LRIG3: variants seen among roughly 807,000 people sequenced by gnomAD.
LRIG3 encodes the protein leucine rich repeats and immunoglobulin like domains 3, also known as leucine-rich repeats and immunoglobulin-like domains protein 3.
LRIG3 carries 76 observed loss-of-function variants against 114.5 expected under a neutral mutation model. That is an observed-to-expected ratio of 0.66 (90% CI 0.55 to 0.80). The LOEUF is 0.80. LRIG3 is among the 30% of genes least tolerant of loss of function. LRIG3 has a pLI of 0.00. For missense variants in LRIG3, 1,239 were observed against 1,382.8 expected (o/e 0.90, Z 1.65); for synonymous variants, 512 against 519.8 (o/e 0.98, Z 0.20).
Position 58,886,840 on chromosome 12 carries a change from G to GCAC in LRIG3, c.1139_1141dup (p.Gly380dup). The GCAC allele has an allele frequency of 6.2e-7, 1 of 1,613,586 alleles. No homozygotes were observed. The highest frequency in any genetic ancestry group is 8.5e-7 in the Non-Finnish European group (1 of 1,179,650). ...CCTCAGTTTGTCAAGCCCAGAGAAA[G>GCAC]CACCATTCATGTCTTCAATAGTCCA... On this transcript the variant is annotated inframe_insertion, in exon 9 of 19. Coordinates refer to ENST00000320743, the MANE Select transcript of LRIG3 (RefSeq NM_153377.5).
At chr12:58,880,935 G>A (rs181837033) in intron 12 of LRIG3, 34 bp from the exon 13 acceptor site, 2 of 1,586,972 alleles carry the variant, frequency 1.3e-6, no homozygotes, top group Non-Finnish European at 8.6e-7. Flanking sequence ...ACAAAACAAT[G>A]TTAAGGCTCA....
Position 58,914,224 on chromosome 12 carries a change from T to C in LRIG3, c.308+41A>G. The stretch of plus-strand genomic sequence containing the variant: ...CGGTTAAATAGTATAAGGGGTAACG[T>C]ATTTTACTCAAACCTTAAAAACAAA... On this transcript the variant is annotated intron_variant, in intron 2 of 18. Transcript: ENST00000320743. The C allele has an allele frequency of 3.2e-6, 5 of 1,583,366 alleles. No homozygotes were observed. In the South Asian group the frequency reaches 5.5e-5, roughly 18 times the overall value.
chr12:58,893,419 G>A (rs112864534), intron 3 of LRIG3, among the ~76,000 whole-genome samples: 25 of 152,284 alleles, frequency 1.6e-4, no homozygotes, highest in Middle Eastern at 3.4e-3. Context: ...AGACGATTCA[G>A]CAGTCCCATG....
intron 3 of LRIG3, among the ~76,000 whole-genome samples, chr12:58,899,376 T>A (rs1168650445): frequency 6.6e-6 from 1 of 152,196 alleles, no homozygotes; most frequent in Non-Finnish European, 1.5e-5. Flanking sequence ...TAGATAAGTG[T>A]TAGCCTTTTT....
At position 58,920,202 on chromosome 12, in the gene LRIG3, C is replaced by T. The variant is rs1356253331; in HGVS notation, c.34G>A (p.Gly12Arg). The change falls in exon 1 of 19, where the codon GGG (glycine) becomes AGG (arginine). Residue 12 changes from glycine to arginine, a missense_variant. Gly to Arg is a moderately radical substitution (Grantham distance 125). Transcript: ENST00000320743. The part of the protein sequence containing the change: ...SAPSLRARAA[G>R]LGLLLCAVLG... Reference sequence around the variant, plus strand: ...ACCGCGCACAGCAGCAGCCCCAACCCCGCGGCGCGCGCACGGAGGCTCGGC... The same window carrying T: ...ACCGCGCACAGCAGCAGCCCCAACCTCGCGGCGCGCGCACGGAGGCTCGGC... 6 of 1,414,448 alleles carry T rather than the reference C, an allele frequency of 4.2e-6. No individual in the cohort carries two copies. Among genetic ancestry groups the T allele is most frequent in the Non-Finnish European group, 5.5e-6 (6 of 1,095,668 alleles). 87.6% of individuals were successfully genotyped at this position (1,414,448 alleles called of 1,614,324 possible).
chr12:58,883,418 T>C, intron 11 of LRIG3, 102 bp downstream of exon 11: 6 of 705,862 alleles, frequency 8.5e-6, no homozygotes, highest in South Asian at 6.8e-5. Context: ...ATGTTAAGAA[T>C]GTGCCAGGCA....
intron 3 of LRIG3, among the ~76,000 whole-genome samples, chr12:58,901,849 C>G (rs1420979495): frequency 1.3e-5 from 2 of 152,138 alleles, no homozygotes; most frequent in Non-Finnish European, 2.9e-5. Context: ...GGCTGCTCAC[C>G]AAGAATGAGC....
chr12:58,894,198 C>T (rs1032245804), intron 3 of LRIG3, among the ~76,000 whole-genome samples: 1 of 152,226 alleles, frequency 6.6e-6, no homozygotes, highest in Non-Finnish European at 1.5e-5. Flanking sequence ...CCTCCTAAAT[C>T]GCAGTGTGAA....
intron 7 of LRIG3, 104 bp downstream of exon 7, chr12:58,888,225 T>G: frequency 7.2e-7 from 1 of 1,389,844 alleles, no homozygotes; most frequent in Non-Finnish European, 9.7e-7. Context: ...GCTGTCACCT[T>G]GGAAACTTTG....
chr12:58,920,134 T>G lies in LRIG3; in HGVS notation c.102A>C (p.Glu34Asp). Reference sequence around the variant, plus strand: ...CGGCTACCCCAGAGGGCTGCCCGAGTTCCCCGCGACCGCCGCTGTCTGACC... The same window carrying G: ...CGGCTACCCCAGAGGGCTGCCCGAGGTCCCCGCGACCGCCGCTGTCTGACC... ...AGRSDSGGRG[E>D]LGQPSGVAAE... Residue 34 changes from glutamate (E) to aspartate (D), a missense_variant, in exon 1 of 19, where the codon GAA becomes GAC. Transcript: ENST00000320743. 1 of 1,544,488 alleles carries G rather than the reference T, an allele frequency of 6.5e-7. No homozygotes were observed. The highest frequency in any genetic ancestry group is 8.7e-7 in the Non-Finnish European group (1 of 1,146,432).
chr12:58,913,945 C>CA (rs140487094), intron 3 of LRIG3, 37 bp downstream of exon 3: 93,086 of 1,571,040 alleles, frequency 0.059, 3,138 homozygotes, highest in Middle Eastern at 0.079. Context: ...AAGGTTCCTG[C>CA]AAACATACAT....
intron 3 of LRIG3, among the ~76,000 whole-genome samples, chr12:58,907,603 C>T (rs1282536639): frequency 1.3e-5 from 2 of 152,200 alleles, no homozygotes; most frequent in Non-Finnish European, 2.9e-5. Context: ...CTTTCATGTA[C>T]ATTATGCCAT....
At chr12:58,894,172 T>C (rs961398185) in intron 3 of LRIG3, among the ~76,000 whole-genome samples, 1 of 152,214 alleles carries the variant, frequency 6.6e-6, no homozygotes, top group African/African-American at 2.4e-5. Context: ...AAGCCAGCAA[T>C]TTCCTGAACT....
intron 1 of LRIG3, among the ~76,000 whole-genome samples, chr12:58,916,610 G>A (rs1421902013): frequency 6.6e-6 from 1 of 152,112 alleles, no homozygotes; most frequent in Non-Finnish European, 1.5e-5. Flanking sequence ...CAATAAGAAA[G>A]GCAGATTCTT....
chr12:58,879,636 ATAGT>A (rs1470186156), intron 13 of LRIG3, among the ~76,000 whole-genome samples: 3 of 152,242 alleles, frequency 2.0e-5, no homozygotes, highest in African/African-American at 7.2e-5. Context: ...GCAGATACAG[ATAGT>A]TAAATGATAA....
chr12:58,904,168 T>C (rs1313494825), intron 3 of LRIG3, among the ~76,000 whole-genome samples: 1 of 152,038 alleles, frequency 6.6e-6, no homozygotes. Flanking sequence ...AGAGAGGAGG[T>C]GGTACTGCTA....
At chr12:58,890,345 T>C (rs1871414651) in intron 4 of LRIG3, among the ~76,000 whole-genome samples, 1 of 152,192 alleles carries the variant, frequency 6.6e-6, no homozygotes, top group African/African-American at 2.4e-5. Flanking sequence ...GGATGCAAAA[T>C]TTTTTTATAA....
chr12:58,885,199 C>T (rs1011164526), intron 10 of LRIG3, among the ~76,000 whole-genome samples: 3 of 151,740 alleles, frequency 2.0e-5, no homozygotes, highest in East Asian at 1.9e-4. Flanking sequence ...TGGGTCAAGA[C>T]GAAACAAAAG....
chr12:58,886,518 A>G (rs1046463479), intron 9 of LRIG3, among the ~76,000 whole-genome samples: 5 of 152,108 alleles, frequency 3.3e-5, no homozygotes, highest in African/African-American at 1.2e-4. Flanking sequence ...ACTTTTACGC[A>G]ATGATAATTC....
Sources: gnomAD v4.1 joint callset for allele counts (sites outside exome capture counted in the v4.1 genomes callset) on GRCh38, gnomAD v4.1.1 for gene constraint, MANE v1.5 for transcripts, NCBI Gene and HGNC (gene_info 2026-07-23, HGNC 2026-07-21) for gene names.